ADAM18: variants seen among roughly 807,000 people sequenced by gnomAD.
ADAM18 encodes disintegrin and metalloproteinase domain-containing protein 18.
In ADAM18, 117 loss-of-function variants were observed where a neutral mutation model predicts 94.4. The ratio of observed to expected loss-of-function variants is 1.24; its 90% confidence interval spans 1.07 to 1.45. The LOEUF (loss-of-function observed/expected upper bound fraction) is 1.45. ADAM18 is among the 40% of genes most tolerant of loss of function. The probability of loss-of-function intolerance (pLI) is 0.00; values close to 1 mark genes in which losing one functional copy is unlikely to be tolerated. For missense variants in ADAM18, 936 were observed against 880.0 expected, an observed-to-expected ratio of 1.06 and a Z score of -0.81; for synonymous variants, 327 against 291.6, an observed-to-expected ratio of 1.12 and a Z score of -1.24.
chr8:39,675,792 C>A (rs938630230), intron 14 of ADAM18, among the ~76,000 whole-genome samples: 1 of 152,186 alleles, frequency 6.6e-6, no homozygotes, highest in Non-Finnish European at 1.5e-5. Flanking sequence ...ATGTTGGTGA[C>A]CTACAGATGG....
At chr8:39,587,141 A>G (rs561183634) in intron 2 of ADAM18, among the ~76,000 whole-genome samples, 1 of 152,362 alleles carries the variant, frequency 6.6e-6, no homozygotes, top group East Asian at 1.9e-4. Flanking sequence ...GCATACACCC[A>G]TGATATCATG....
At chr8:39,728,272 T>G (rs1822978101) in intron 19 of ADAM18, among the ~76,000 whole-genome samples, 1 of 152,154 alleles carries the variant, frequency 6.6e-6, no homozygotes, top group Non-Finnish European at 1.5e-5. Context: ...ATTCACATTT[T>G]TTTTTAAAAA....
chr8:39,597,484 T>G (rs919768095), intron 2 of ADAM18, among the ~76,000 whole-genome samples: 5 of 152,192 alleles, frequency 3.3e-5, no homozygotes, highest in African/African-American at 1.2e-4. Context: ...TTTATTTATT[T>G]TTTTACGTTT....
At chr8:39,649,407 T>G (rs1820466737) in intron 12 of ADAM18, among the ~76,000 whole-genome samples, 1 of 152,128 alleles carries the variant, frequency 6.6e-6, no homozygotes, top group African/African-American at 2.4e-5. Context: ...TTTCCAATTA[T>G]CTCATATTTT....
chr8:39,612,752 C>T (rs1256340912), intron 6 of ADAM18, among the ~76,000 whole-genome samples: 1 of 152,184 alleles, frequency 6.6e-6, no homozygotes, highest in African/African-American at 2.4e-5. Context: ...ATTTGCAGCA[C>T]AACCTCAGAT....
At chr8:39,604,343 T>C (rs1015391506) in intron 2 of ADAM18, among the ~76,000 whole-genome samples, 4 of 152,236 alleles carry the variant, frequency 2.6e-5, no homozygotes, top group Admixed American at 2.6e-4. Flanking sequence ...CTACTCCTTA[T>C]AATGTCTATT....
Position 39,696,763 on chromosome 8 carries a change from G to A in ADAM18, c.1902+4083G>A, listed in dbSNP as rs560015734. Among the ~76,000 whole-genome samples the A allele has an allele frequency of 5.9e-5, 9 of 151,518 alleles. No individual in the cohort carries two copies. In the South Asian group the frequency reaches 1.9e-3, roughly 31 times the overall value. ...GCCAAACCACATTGTTTTCATTATT[G>A]TGGCTTTGCAGGAAGTTTTGTCCTC... On this transcript the variant is annotated intron_variant, in intron 17 of 19. Transcript: ENST00000265707.
intron 3 of ADAM18, among the ~76,000 whole-genome samples, chr8:39,608,196 TA>T (rs1819149631): frequency 6.6e-6 from 1 of 152,066 alleles, no homozygotes; most frequent in Non-Finnish European, 1.5e-5. Flanking sequence ...TATCTATATC[TA>T]AACCCTACAA....
At chr8:39,640,994 A>G (rs1820222589) in intron 10 of ADAM18, among the ~76,000 whole-genome samples, 1 of 151,436 alleles carries the variant, frequency 6.6e-6, no homozygotes, top group Non-Finnish European at 1.5e-5. Flanking sequence ...TTGATCATTT[A>G]TTTTGTTGTG....
chr8:39,657,911 C>T (rs1481209104), intron 12 of ADAM18, among the ~76,000 whole-genome samples: 1 of 152,066 alleles, frequency 6.6e-6, no homozygotes, highest in Non-Finnish European at 1.5e-5. Flanking sequence ...ATAGTAAGAA[C>T]ATAACATGTC....
chr8:39,695,050 G>A (rs1241064667), intron 17 of ADAM18, among the ~76,000 whole-genome samples: 3 of 151,280 alleles, frequency 2.0e-5, no homozygotes, highest in Non-Finnish European at 4.4e-5. Context: ...TCTTTTCATG[G>A]CTTTATGGCT....
rs938666770 is a variant in ADAM18, at chr8:39,652,273, T to C, written c.1230+3746T>C. The stretch of plus-strand genomic sequence containing the variant: ...AAAGTAAAGAGAGAACTTAAGGAAT[T>C]AGAGGAAATATTTGCAAACTATACA... On this transcript the variant is annotated intron_variant, in intron 12 of 19. Coordinates refer to ENST00000265707, the MANE Select transcript of ADAM18 (RefSeq NM_014237.3). 4.6e-5 allele frequency among the ~76,000 whole-genome samples: 7 copies of C among 152,122 alleles called. 1 individual carries two copies. Among genetic ancestry groups the C allele is most frequent in the Middle Eastern group, 3.4e-3 (1 of 294 alleles).
In ADAM18 at chr8:39,643,673, C is replaced by G. The variant is rs142533463; in HGVS notation, c.910-1665C>G. ...CTTTTCTCTGCCTTTGCCCTAGCTTCTGGTGGTTTGCTGGCAATCTTTGGC... is the reference window on the plus strand; with the variant it reads ...CTTTTCTCTGCCTTTGCCCTAGCTTGTGGTGGTTTGCTGGCAATCTTTGGC... On this transcript the variant is annotated intron_variant, in intron 10 of 19. Transcript: ENST00000265707. Among the ~76,000 whole-genome samples, 866 of 152,164 alleles carry G rather than the reference C, an allele frequency of 5.7e-3. 9 individuals are homozygous for G. Among genetic ancestry groups the G allele is most frequent in the African/African-American group, 0.02 (833 of 41,516 alleles).
chr8:39,656,499 T>TAAAAAAG (rs1820688362), intron 12 of ADAM18, among the ~76,000 whole-genome samples: 2 of 152,100 alleles, frequency 1.3e-5, no homozygotes, highest in African/African-American at 4.8e-5. Flanking sequence ...TTGATAAATG[T>TAAAAAAG]GTAAAGGTAA....
At chr8:39,641,053 C>T (rs529252634) in intron 10 of ADAM18, among the ~76,000 whole-genome samples, 2 of 152,090 alleles carry the variant, frequency 1.3e-5, no homozygotes, top group East Asian at 3.9e-4. Context: ...GTTGCAATTG[C>T]TTTTGGCATC....
At chr8:39,669,397 T>C (rs1261442356) in intron 14 of ADAM18, among the ~76,000 whole-genome samples, 3 of 151,470 alleles carry the variant, frequency 2.0e-5, no homozygotes, top group East Asian at 1.9e-4. Context: ...ATGTGCCATG[T>C]TGGTGTGCTG....
intron 6 of ADAM18, among the ~76,000 whole-genome samples, chr8:39,612,277 G>A (rs1308848803): frequency 6.6e-6 from 1 of 152,144 alleles, no homozygotes; most frequent in African/African-American, 2.4e-5. Context: ...GGTGGAGGGA[G>A]GATGTAGACC....
At chr8:39,646,918 A>C (rs555716156) in intron 11 of ADAM18, among the ~76,000 whole-genome samples, 1 of 152,172 alleles carries the variant, frequency 6.6e-6, no homozygotes, top group African/African-American at 2.4e-5. Context: ...GGCACAATTT[A>C]AGATAGTGTT....
intron 7 of ADAM18, among the ~76,000 whole-genome samples, chr8:39,631,348 T>C (rs1819926105): frequency 6.6e-6 from 1 of 152,034 alleles, no homozygotes; most frequent in South Asian, 2.1e-4. Flanking sequence ...AGTTTTATGG[T>C]ATATTTTTAA....
Sources: gnomAD v4.1 joint callset for allele counts (sites outside exome capture counted in the v4.1 genomes callset) on GRCh38, gnomAD v4.1.1 for gene constraint, MANE v1.5 for transcripts, NCBI Gene and HGNC (gene_info 2026-07-23, HGNC 2026-07-21) for gene names.